Variants in SIN3A observed in about 807,000 individuals in gnomAD.
SIN3A encodes paired amphipathic helix protein Sin3a.
In SIN3A, 14 loss-of-function variants were observed where a neutral mutation model predicts 146.1. That is an observed-to-expected ratio of 0.10 (90% CI 0.06 to 0.15). SIN3A has a LOEUF of 0.15. Among genes scored for constraint, SIN3A ranks in the 10% least tolerant of loss-of-function variants. The probability of loss-of-function intolerance (pLI) is 1.00; values close to 1 mark genes in which losing one functional copy is unlikely to be tolerated. For missense variants in SIN3A, 1,028 were observed against 1,576.0 expected (o/e 0.65, Z 5.89); for synonymous variants, 572 against 572.0 (o/e 1.00, Z 0.00).
chr15:75,422,079 A>G (rs1374536786), intron 3 of SIN3A: 2 of 154,740 alleles, frequency 1.3e-5, no homozygotes, highest in East Asian at 1.9e-4. Flanking sequence ...GATAAAGGTA[A>G]TAAGAACATT....
At position 75,409,578 on chromosome 15, in the gene SIN3A, T is replaced by C. The variant is rs77630629; in HGVS notation, c.1317+258A>G. 6.2e-3 allele frequency among the ~76,000 whole-genome samples: 918 copies of C among 147,812 alleles called. 5 individuals are homozygous for C. Among genetic ancestry groups the C allele is most frequent in the Non-Finnish European group, 0.01 (681 of 66,830 alleles). ...CGTCTCCACTAAAAAAAAAAAAAAATCAGCCCGGTATGGTGGCATGCGCCT... is the reference window on the plus strand; with the variant it reads ...CGTCTCCACTAAAAAAAAAAAAAAACCAGCCCGGTATGGTGGCATGCGCCT... On this transcript the variant is annotated intron_variant, in intron 8 of 20. Transcript: ENST00000394947.
intron 1 of SIN3A, among the ~76,000 whole-genome samples, chr15:75,436,162 A>C (rs1429800408): frequency 6.6e-6 from 1 of 151,920 alleles, no homozygotes; most frequent in Non-Finnish European, 1.5e-5. Flanking sequence ...ACAAAAAAGA[A>C]AAAGACAAAG....
Position 75,371,853 on chromosome 15 carries a change from TG to T in SIN3A, c.*125del. 1.3e-6 allele frequency: 1 copy of T among 789,954 alleles called. No homozygotes were observed. Among genetic ancestry groups the T allele is most frequent in the African/African-American group, 1.7e-5 (1 of 57,708 alleles). 48.9% of individuals were successfully genotyped at this position (789,954 alleles called of 1,614,324 possible). A position where few individuals can be genotyped will look rare whatever the true frequency, so the allele number is the denominator to read the frequency against. ...CTGCACCAGCCACACACAGGTCAGG[TG>T]GCCATGTCCCAGAGAGGCCCAGTGA... On this transcript the variant is annotated 3_prime_UTR_variant, in exon 21 of 21. Coordinates refer to ENST00000394947, the MANE Select transcript of SIN3A (RefSeq NM_001145358.2).
At chr15:75,447,172 C>G (rs1343040486) in intron 1 of SIN3A, among the ~76,000 whole-genome samples, 1 of 152,184 alleles carries the variant, frequency 6.6e-6, no homozygotes. Flanking sequence ...ACTTAGGTTT[C>G]AAAAGAATCA....
intron 20 of SIN3A, among the ~76,000 whole-genome samples, chr15:75,375,248 C>T (rs1156556045): frequency 2.0e-5 from 3 of 152,132 alleles, no homozygotes; most frequent in Non-Finnish European, 4.4e-5. Context: ...GAAGTCCTAG[C>T]CCCCAGTACT....
chr15:75,451,399 GC>G (rs1185108943), intron 1 of SIN3A, 23 bp downstream of exon 1: 3 of 144,934 alleles, frequency 2.1e-5, no homozygotes, highest in African/African-American at 5.1e-5. Context: ...CTCCCGCCCG[GC>G]CCCCGGCCCA....
chr15:75,411,338 C>G (rs993158722), intron 6 of SIN3A, among the ~76,000 whole-genome samples, 154 bp downstream of exon 6: 5 of 152,136 alleles, frequency 3.3e-5, no homozygotes, highest in African/African-American at 1.2e-4. Context: ...GAAAAACAAA[C>G]AAACAAACAA....
In SIN3A at chr15:75,370,540, A is replaced by T. The variant is rs952672586; in HGVS notation, c.*1439T>A. On this transcript the variant is annotated 3_prime_UTR_variant, in exon 21 of 21. Coordinates refer to ENST00000394947, the MANE Select transcript of SIN3A (RefSeq NM_001145358.2). ...TTTAAATTTATGTAATTAAAAAAAT[A>T]GGTATCCCATTTCAAATTCTCTCCC... The T allele has an allele frequency of 6.6e-6, 1 of 152,220 alleles. No homozygotes were observed. Among genetic ancestry groups the T allele is most frequent in the Non-Finnish European group, 1.5e-5 (1 of 68,048 alleles). 9.4% of individuals were successfully genotyped at this position (152,220 alleles called of 1,614,324 possible). A position where few individuals can be genotyped will look rare whatever the true frequency, so the allele number is the denominator to read the frequency against.
intron 9 of SIN3A, among the ~76,000 whole-genome samples, chr15:75,405,219 T>C (rs2073487072): frequency 6.6e-6 from 1 of 151,144 alleles, no homozygotes; most frequent in African/African-American, 2.4e-5. Flanking sequence ...ATATAAACAT[T>C]AGCCAGGCGT....
At chr15:75,418,727 C>T (rs1016355232) in intron 3 of SIN3A, among the ~76,000 whole-genome samples, 2 of 151,990 alleles carry the variant, frequency 1.3e-5, no homozygotes, top group African/African-American at 2.4e-5. Context: ...TATAGCAGCA[C>T]TAATGGATTG....
chr15:75,422,903 T>A, intron 2 of SIN3A, 80 bp from the exon 3 acceptor site: 1 of 1,415,610 alleles, frequency 7.1e-7, no homozygotes, highest in Non-Finnish European at 9.7e-7. Flanking sequence ...CTAACACAAA[T>A]GCACAAAGAT....
intron 1 of SIN3A, among the ~76,000 whole-genome samples, chr15:75,435,496 G>A (rs533388456): frequency 8.6e-5 from 13 of 151,990 alleles, no homozygotes; most frequent in African/African-American, 2.7e-4. Context: ...TTGGGAGTTC[G>A]AGACCAACCT....
At chr15:75,438,951 C>T (rs534817043) in intron 1 of SIN3A, among the ~76,000 whole-genome samples, 1 of 152,254 alleles carries the variant, frequency 6.6e-6, no homozygotes, top group Admixed American at 6.5e-5. Context: ...GAATCTATTA[C>T]AGAATGAAAG....
chr15:75,435,393 T>C (rs1237750207), intron 1 of SIN3A, among the ~76,000 whole-genome samples: 3 of 152,150 alleles, frequency 2.0e-5, no homozygotes, highest in East Asian at 1.9e-4. Flanking sequence ...CTCTAAGACA[T>C]ATTAAGTGAA....
chr15:75,415,565 A>T (rs2073717981), intron 3 of SIN3A: 1 of 188,814 alleles, frequency 5.3e-6, no homozygotes, highest in African/African-American at 2.4e-5. Flanking sequence ...CCTAAAAAGG[A>T]TGCAGGCTGG....
chr15:75,382,642 A>G (rs967936848), intron 17 of SIN3A, among the ~76,000 whole-genome samples: 12 of 152,232 alleles, frequency 7.9e-5, no homozygotes, highest in African/African-American at 2.7e-4. Context: ...TAATTGAGCA[A>G]AAATACATTA....
chr15:75,432,759 T>C (rs998442609), intron 1 of SIN3A, among the ~76,000 whole-genome samples: 3 of 149,808 alleles, frequency 2.0e-5, no homozygotes, highest in South Asian at 2.1e-4. Context: ...AAAAACTTCA[T>C]AGGCTGGTCA....
upstream of SIN3A, among the ~76,000 whole-genome samples, chr15:75,455,209 G>A (rs559152731): frequency 6.2e-3 from 938 of 152,164 alleles, 18 homozygotes; most frequent in African/African-American, 0.021. Context: ...TCCAGCGTGG[G>A]TAGCCAGGGA....
In SIN3A at chr15:75,400,992, T is replaced by C. The variant is rs762501119; in HGVS notation, c.1527-52A>G. 4.6e-6 allele frequency: 6 copies of C among 1,291,862 alleles called. No homozygotes were observed. The South Asian group carries it at 4.8e-5, about 10-fold the overall frequency. The allele number at this position is 1,291,862 out of a possible 1,614,324, so 80.0% of individuals were successfully genotyped here. Reference sequence around the variant, plus strand: ...AGCAATTAGGGGCAGGATGCAGTTATCCTGAGGTATGACTACTACCATCTG... The same window carrying C: ...AGCAATTAGGGGCAGGATGCAGTTACCCTGAGGTATGACTACTACCATCTG... On this transcript the variant is annotated intron_variant, in intron 10 of 20. Coordinates refer to ENST00000394947, the MANE Select transcript of SIN3A (RefSeq NM_001145358.2).
Sources: allele counts gnomAD v4.1 joint callset (sites outside exome capture counted in the v4.1 genomes callset), GRCh38; gene constraint gnomAD v4.1.1; transcripts MANE v1.5; gene names NCBI Gene and HGNC (gene_info 2026-07-23, HGNC 2026-07-21).